Variants in ADCY3 observed in about 807,000 individuals in gnomAD.
ADCY3 encodes adenylate cyclase type 3.
Under a neutral mutation model 119.4 loss-of-function variants are expected in ADCY3, and 70 were observed. That is an observed-to-expected ratio of 0.59 (90% CI 0.48 to 0.72). The LOEUF (loss-of-function observed/expected upper bound fraction) is 0.72. Among genes scored for constraint, ADCY3 ranks in the 30% least tolerant of loss-of-function variants. ADCY3 has a pLI of 0.00. For missense variants in ADCY3, 1,238 were observed against 1,541.6 expected (o/e 0.80, Z 3.30); for synonymous variants, 672 against 621.4 (o/e 1.08, Z -1.21).
intron 3 of ADCY3, among the ~76,000 whole-genome samples, chr2:24,868,196 T>C (rs1233634724): frequency 6.6e-6 from 1 of 152,206 alleles, no homozygotes; most frequent in Non-Finnish European, 1.5e-5. Flanking sequence ...TAGAACTTAG[T>C]GCACTTCTAC....
In ADCY3 at chr2:24,841,268, T is replaced by C. The variant is rs200692533; in HGVS notation, c.1187A>G (p.Glu396Gly). 50 of 1,561,392 alleles carry C rather than the reference T, an allele frequency of 3.2e-5. No homozygotes were observed. Among genetic ancestry groups the C allele is most frequent in the Non-Finnish European group, 4.2e-5 (49 of 1,153,196 alleles). ...GAGGCATCCCACTTACGAGATGGCC[T>C]CCACCATGGCCAGCCCCATGAGGAT... is the stretch of plus-strand genomic sequence containing the variant. ...CSILMGLAMV[E>G]AISYVREKTK... is the part of the protein sequence containing the mutation. Residue 396 changes from glutamate to glycine, a missense_variant, in exon 6 of 22, where the codon GAG becomes GGG. Glu to Gly is a moderately conservative substitution (Grantham distance 98). Coordinates refer to ENST00000679454, the MANE Select transcript of ADCY3 (RefSeq NM_004036.5). The surrounding 1 kb of genome is among the most constrained non-coding windows in gnomAD (Gnocchi z 5.8).
chr2:24,820,241 A>C, intron 21 of ADCY3, 127 bp from the exon 22 acceptor site: 1 of 1,211,370 alleles, frequency 8.3e-7, no homozygotes, highest in East Asian at 2.8e-5. Flanking sequence ...GACACTCCCC[A>C]AACCTCCCAG....
At chr2:24,871,552 G>A (rs539378800) in intron 3 of ADCY3, among the ~76,000 whole-genome samples, 3 of 152,340 alleles carry the variant, frequency 2.0e-5, no homozygotes, top group East Asian at 1.9e-4. Context: ...GAGGCCCGAC[G>A]GTGGGGCTCC....
chr2:24,899,361 C>A lies in ADCY3; in HGVS notation c.675+18952G>T, dbSNP rs1028070742. Among the ~76,000 whole-genome samples the A allele has an allele frequency of 1.3e-5, 2 of 152,340 alleles. No individual in the cohort carries two copies. The highest frequency in any genetic ancestry group is 4.1e-4 in the South Asian group (2 of 4,826). ...TCCCAATAAATAAACCATTCTCTTG[C>A]GACCAAAGCCCATGTCTGTCTAAGA... On this transcript the variant is annotated intron_variant, in intron 2 of 21. Transcript: ENST00000679454. The surrounding 1 kb of genome is among the most constrained non-coding windows in gnomAD (Gnocchi z 4.5).
chr2:24,847,405 T>A (rs190105562), intron 3 of ADCY3, among the ~76,000 whole-genome samples: 1 of 152,324 alleles, frequency 6.6e-6, no homozygotes. Context: ...ACTAAGACAC[T>A]CTTATTCTTC....
chr2:24,833,162 A>C (rs952893089), intron 11 of ADCY3, among the ~76,000 whole-genome samples: 2 of 152,172 alleles, frequency 1.3e-5, no homozygotes, highest in Non-Finnish European at 2.9e-5. Flanking sequence ...GAGCCTCTCC[A>C]GGCATATGTC....
chr2:24,885,260 C>T (rs1394737276), intron 2 of ADCY3, among the ~76,000 whole-genome samples: 1 of 152,226 alleles, frequency 6.6e-6, no homozygotes, highest in Non-Finnish European at 1.5e-5. Context: ...TATGCCCAGG[C>T]AGAGTCCACA....
intron 21 of ADCY3, 121 bp from the exon 22 acceptor site, chr2:24,820,235 C>G: frequency 8.5e-7 from 1 of 1,175,330 alleles, no homozygotes; most frequent in South Asian, 1.9e-5. Context: ...GTACGGGACA[C>G]TCCCCAAACC....
intron 2 of ADCY3, among the ~76,000 whole-genome samples, chr2:24,879,392 G>A (rs1676106248): frequency 1.4e-5 from 2 of 145,106 alleles, no homozygotes; most frequent in Non-Finnish European, 3.0e-5. Flanking sequence ...GGCGGAGCTT[G>A]CAGTGAGCCG....
In ADCY3 at chr2:24,853,783, G is replaced by A. The variant is rs566715503; in HGVS notation, c.826-11399C>T. Among the ~76,000 whole-genome samples, 180 of 152,242 alleles carry A rather than the reference G, an allele frequency of 1.2e-3. 1 individual carries two copies. Among genetic ancestry groups the A allele is most frequent in the South Asian group, 3.5e-3 (17 of 4,818 alleles). ...TTACAGGCATGAGCCACCGTACCCG[G>A]CCAGTGAGCCTTATCTCTTGAAAGC... On this transcript the variant is annotated intron_variant, in intron 3 of 21. Coordinates refer to ENST00000679454, the MANE Select transcript of ADCY3 (RefSeq NM_004036.5).
chr2:24,869,602 C>A (rs1350988625), intron 3 of ADCY3, among the ~76,000 whole-genome samples: 1 of 151,994 alleles, frequency 6.6e-6, no homozygotes, highest in Non-Finnish European at 1.5e-5. Flanking sequence ...GATGGGGTCT[C>A]GCTTTGTTGC....
At chr2:24,905,521 C>T (rs1679358572) in intron 2 of ADCY3, among the ~76,000 whole-genome samples, 1 of 152,164 alleles carries the variant, frequency 6.6e-6, no homozygotes, top group Non-Finnish European at 1.5e-5. Context: ...ACACCCCAGT[C>T]AGGGGTTGGG....
At chr2:24,869,705 C>T (rs1187152086) in intron 3 of ADCY3, among the ~76,000 whole-genome samples, 1 of 152,122 alleles carries the variant, frequency 6.6e-6, no homozygotes, top group Admixed American at 6.5e-5. Context: ...TGCCTGGCCA[C>T]ACCTACAGGC....
intron 12 of ADCY3, among the ~76,000 whole-genome samples, chr2:24,831,219 G>A (rs937348158): frequency 9.8e-5 from 13 of 132,752 alleles, no homozygotes; most frequent in Non-Finnish European, 1.9e-4. Flanking sequence ...CTTTACCTTT[G>A]TCATTCTGAT....
Position 24,842,180 on chromosome 2 carries a change from C to T in ADCY3, c.956+74G>A. 6.2e-7 allele frequency: 1 copy of T among 1,601,202 alleles called. No homozygotes were observed. The highest frequency in any genetic ancestry group is 1.7e-5 in the Admixed American group (1 of 59,846). ...GAAAACCTCTTGAAGCCCACAGCAC[C>T]TAGCGGGTCCCACAAAGATGCAGCC... On this transcript the variant is annotated intron_variant, in intron 4 of 21. Coordinates refer to ENST00000679454, the MANE Select transcript of ADCY3 (RefSeq NM_004036.5). This position sits in a 1 kb window ranked among gnomAD's most constrained non-coding sequence, Gnocchi z 4.9.
intron 2 of ADCY3, among the ~76,000 whole-genome samples, chr2:24,873,505 G>A (rs1433632092): frequency 1.3e-5 from 2 of 152,180 alleles, no homozygotes; most frequent in Non-Finnish European, 2.9e-5. Flanking sequence ...CCCTGAAGAT[G>A]CCCCAGGTGT....
intron 3 of ADCY3, among the ~76,000 whole-genome samples, chr2:24,851,914 C>T (rs949154813): frequency 2.6e-5 from 4 of 152,180 alleles, no homozygotes; most frequent in Admixed American, 6.5e-5. Flanking sequence ...GTGTAAACCC[C>T]GGATTTAGCA....
chr2:24,827,649 AC>A, intron 14 of ADCY3, 41 bp from the exon 15 acceptor site: 1 of 1,560,106 alleles, frequency 6.4e-7, no homozygotes, highest in Non-Finnish European at 8.7e-7. Flanking sequence ...CCATCTGGGA[AC>A]AAGAGCCTGA....
intron 2 of ADCY3, among the ~76,000 whole-genome samples, chr2:24,881,274 C>T (rs1238217479): frequency 2.6e-5 from 4 of 152,216 alleles, no homozygotes; most frequent in Non-Finnish European, 5.9e-5. Flanking sequence ...ATCAGCCCCA[C>T]CCCAGCCAAC....
Sources: allele counts gnomAD v4.1 joint callset (sites outside exome capture counted in the v4.1 genomes callset), GRCh38; gene constraint gnomAD v4.1.1; non-coding constraint Gnocchi (gnomAD v3.1); transcripts MANE v1.5; gene names NCBI Gene and HGNC (gene_info 2026-07-23, HGNC 2026-07-21).